The following POLK variants were observed in gnomAD, a reference collection of about 807,000 sequenced individuals.
POLK encodes the protein DNA polymerase kappa.
A neutral mutation model predicts 94.0 loss-of-function variants in POLK; 76 were observed. The ratio of observed to expected loss-of-function variants is 0.81; its 90% CI spans 0.67 to 0.98. The LOEUF (loss-of-function observed/expected upper bound fraction) is 0.98, where lower values mean the gene tolerates loss of function less well. Ranked by LOEUF, POLK falls within the 50% of genes least tolerant of loss-of-function variation. POLK has a pLI of 0.00. For missense variants in POLK, 954 were observed against 1,010.1 expected, an observed-to-expected ratio of 0.94 and a Z score of 0.75; for synonymous variants, 349 against 325.4, an observed-to-expected ratio of 1.07 and a Z score of -0.78.
intron 5 of POLK, among the ~76,000 whole-genome samples, chr5:75,575,820 T>C (rs1043408686): frequency 7.2e-5 from 11 of 152,188 alleles, no homozygotes; most frequent in Non-Finnish European, 1.2e-4. Context: ...AAACCTTTGT[T>C]TTTATAAAAG....
At chr5:75,551,358 G>A (rs1770322198) in intron 2 of POLK, among the ~76,000 whole-genome samples, 2 of 151,876 alleles carry the variant, frequency 1.3e-5, no homozygotes, top group African/African-American at 4.8e-5. Context: ...AGGAGGATCA[G>A]GAGTTTGAGA....
At chr5:75,581,356 A>G (rs1772183521) in exon 7 of POLK, 1 of 1,613,864 alleles carries the variant, frequency 6.2e-7, no homozygotes, top group Admixed American at 1.7e-5. Flanking sequence ...CAAATACTCC[A>G]AAACTCAGTT....
chr5:75,533,621 G>T (rs575752446), intron 1 of POLK, among the ~76,000 whole-genome samples: 6 of 152,158 alleles, frequency 3.9e-5, no homozygotes, highest in Non-Finnish European at 8.8e-5. Context: ...TTCTAGGTTT[G>T]TGAAGAGTGT....
intron 1 of POLK, among the ~76,000 whole-genome samples, chr5:75,515,265 T>G (rs903210426): frequency 2.6e-5 from 4 of 152,210 alleles, no homozygotes; most frequent in Non-Finnish European, 5.9e-5. Flanking sequence ...ATTTTATGAA[T>G]AGTCCTGAGA....
At chr5:75,586,482 A>C (rs1013092262) in intron 9 of POLK, among the ~76,000 whole-genome samples, 1 of 152,188 alleles carries the variant, frequency 6.6e-6, no homozygotes, top group Non-Finnish European at 1.5e-5. Flanking sequence ...TTTGGTTTTA[A>C]CTAATCCTGT....
chr5:75,557,438 TAG>T, intron 3 of POLK, among the ~76,000 whole-genome samples: 1 of 152,350 alleles, frequency 6.6e-6, no homozygotes. Context: ...CATTTGATAA[TAG>T]AGTCTTCCTG....
At chr5:75,583,222 G>A (rs1292970620) in intron 7 of POLK, 71 bp from the exon 8 acceptor site, 2 of 1,146,152 alleles carry the variant, frequency 1.7e-6, no homozygotes, top group Non-Finnish European at 2.4e-6. Flanking sequence ...TTTTTTTTCT[G>A]TTTTGTTATT....
At chr5:75,599,011 T>A (rs1773219571) in exon 15 of POLK, 1 of 151,708 alleles carries the variant, frequency 6.6e-6, no homozygotes, top group African/African-American at 2.4e-5. Context: ...GGAGGCCGAA[T>A]GGGCAGATCA....
intron 1 of POLK, among the ~76,000 whole-genome samples, chr5:75,533,144 C>A (rs1257424077): frequency 1.3e-5 from 2 of 152,294 alleles, no homozygotes; most frequent in South Asian, 4.1e-4. Flanking sequence ...GCATATTCAT[C>A]ATGAAATCTT....
chr5:75,511,416 G>A (rs1278777022), upstream of POLK: 1 of 1,545,242 alleles, frequency 6.5e-7, no homozygotes, highest in Non-Finnish European at 8.7e-7. Context: ...GACGAGCGGT[G>A]AAGGAAGCCT....
At chr5:75,575,513 T>G (rs762301848) in intron 5 of POLK, among the ~76,000 whole-genome samples, 21 of 152,192 alleles carry the variant, frequency 1.4e-4, no homozygotes, top group Non-Finnish European at 3.1e-4. Context: ...ATATTGGAGC[T>G]TTAAGTGCTT....
the POLK span, among the ~76,000 whole-genome samples, chr5:75,608,109 T>C: frequency 1.3e-5 from 2 of 152,214 alleles, no homozygotes; most frequent in Non-Finnish European, 2.9e-5. Flanking sequence ...TTCCCATGGC[T>C]AAATTGCATT....
intron 3 of POLK, among the ~76,000 whole-genome samples, chr5:75,559,238 T>C (rs947830209): frequency 6.6e-6 from 1 of 152,212 alleles, no homozygotes; most frequent in African/African-American, 2.4e-5. Flanking sequence ...TGTGATATGA[T>C]AGTATGAACT....
intron 3 of POLK, among the ~76,000 whole-genome samples, chr5:75,555,586 C>A (rs1436421932): frequency 6.7e-6 from 1 of 149,610 alleles, no homozygotes; most frequent in Non-Finnish European, 1.5e-5. Flanking sequence ...TCTCTCACTT[C>A]GTTGCCCAGG....
intron 5 of POLK, among the ~76,000 whole-genome samples, chr5:75,574,811 C>T (rs1004960209): frequency 2.0e-5 from 3 of 152,150 alleles, no homozygotes; most frequent in African/African-American, 7.2e-5. Context: ...GGGGAGCACA[C>T]TTACATTTGG....
At chr5:75,601,494 G>GTAAT (rs1773295429), downstream of POLK, among the ~76,000 whole-genome samples, 1 of 152,196 alleles carries the variant, frequency 6.6e-6, no homozygotes, top group South Asian at 2.1e-4. Flanking sequence ...GAGTCAGTGG[G>GTAAT]CTCAAGAAGC....
intron 10 of POLK, among the ~76,000 whole-genome samples, chr5:75,589,380 TACACACATACACACACACACAC>T (rs1772639914): frequency 1.5e-5 from 1 of 67,752 alleles, no homozygotes; most frequent in African/African-American, 5.3e-5. Flanking sequence ...TTTATATATA[TACACACATACACACACACACAC>T]ACACACACAC....
At chr5:75,524,614 G>GA (rs35953663) in intron 1 of POLK, among the ~76,000 whole-genome samples, 68,570 of 148,244 alleles carry the variant, frequency 0.46, 18,640 homozygotes, top group Middle Eastern at 0.62. Flanking sequence ...TGAAAACCTA[G>GA]AAAAAAAAAA....
At position 75,584,908 on chromosome 5, in the gene POLK, G is replaced by A. The variant is rs112195554; in HGVS notation, c.1208G>A (p.Gly403Asp). The change falls in exon 9 of 15, where the codon GGT becomes GAT. Residue 403 changes from glycine (G) to aspartate (D), a missense_variant. Physicochemically the swap from Gly to Asp is moderately conservative, Grantham distance 94. Coordinates refer to ENST00000241436, the Ensembl canonical transcript of POLK. Reference sequence around the variant, plus strand: ...TTCCTTCATATCTCCTTGGGTCTAGGTTCAACACACCTGACGAGGTATCTA... The same window carrying A: ...TTCCTTCATATCTCCTTGGGTCTAGATTCAACACACCTGACGAGGTATCTA... 978 of 1,596,958 alleles carry A rather than the reference G, an allele frequency of 6.1e-4. 2 individuals carry two copies. The highest frequency in any genetic ancestry group is 7.7e-4 in the Non-Finnish European group (907 of 1,171,222).
Sources: gnomAD v4.1 joint callset for allele counts (sites outside exome capture counted in the v4.1 genomes callset) on GRCh38, gnomAD v4.1.1 for gene constraint, MANE v1.5 for transcripts, NCBI Gene and HGNC (gene_info 2026-07-23, HGNC 2026-07-21) for gene names.